Variants in POU6F2 observed in about 807,000 individuals in gnomAD.
POU6F2 encodes POU class 6 homeobox 2.
POU6F2 carries 31 observed loss-of-function variants against 71.3 expected under a neutral mutation model. The ratio of observed to expected loss-of-function variants is 0.43; its 90% CI spans 0.33 to 0.59. POU6F2 has a LOEUF of 0.59. POU6F2 is among the 20% of genes least tolerant of loss of function. POU6F2 has a pLI of 0.04. For missense variants in POU6F2, 783 were observed against 856.8 expected, an observed-to-expected ratio of 0.91 and a Z score of 1.07; for synonymous variants, 347 against 355.7, an observed-to-expected ratio of 0.98 and a Z score of 0.27.
chr7:38,995,320 CCTT>C (rs1217247384), intron 1 of POU6F2, among the ~76,000 whole-genome samples: 2 of 152,162 alleles, frequency 1.3e-5, no homozygotes, highest in Non-Finnish European at 2.9e-5. Context: ...TGAAACTTGT[CCTT>C]CTCACTGGCC....
chr7:39,090,124 G>A (rs750126548), intron 2 of POU6F2, among the ~76,000 whole-genome samples: 3 of 152,010 alleles, frequency 2.0e-5, no homozygotes, highest in Non-Finnish European at 4.4e-5. Context: ...TGCATGCAAT[G>A]ATACTTGTAA....
At chr7:39,432,542 G>A (rs1175573748) in intron 6 of POU6F2, among the ~76,000 whole-genome samples, 1 of 152,134 alleles carries the variant, frequency 6.6e-6, no homozygotes, top group African/African-American at 2.4e-5. Flanking sequence ...TGAACACCAG[G>A]GTGTGTGAGG....
intron 2 of POU6F2, among the ~76,000 whole-genome samples, chr7:39,188,188 A>C (rs1249785816): frequency 1.3e-5 from 2 of 152,212 alleles, no homozygotes; most frequent in African/African-American, 4.8e-5. Flanking sequence ...TATTACCTCC[A>C]TTTTAGAGTT....
At chr7:39,223,341 G>T (rs1794404511) in intron 4 of POU6F2, among the ~76,000 whole-genome samples, 1 of 152,028 alleles carries the variant, frequency 6.6e-6, no homozygotes, top group Admixed American at 6.6e-5. Flanking sequence ...ATTGCAGTTG[G>T]ATTTACACTT....
intron 5 of POU6F2, among the ~76,000 whole-genome samples, chr7:39,396,102 C>T (rs1293522507): frequency 6.6e-6 from 1 of 152,110 alleles, no homozygotes; most frequent in African/African-American, 2.4e-5. Flanking sequence ...AAATGGAAGA[C>T]TAGACAGAAA....
chr7:39,184,242 G>A (rs1793489728), intron 2 of POU6F2, among the ~76,000 whole-genome samples: 1 of 152,096 alleles, frequency 6.6e-6, no homozygotes, highest in African/African-American at 2.4e-5. Flanking sequence ...CTCTATTTTG[G>A]TTATCTTTCC....
chr7:39,052,304 G>A (rs1790414601), intron 1 of POU6F2, among the ~76,000 whole-genome samples: 1 of 152,142 alleles, frequency 6.6e-6, no homozygotes, highest in African/African-American at 2.4e-5. Context: ...TAAGGCCAGT[G>A]TATTAGTCCG....
intron 6 of POU6F2, among the ~76,000 whole-genome samples, chr7:39,426,551 CTCTT>C (rs1459573460): frequency 6.6e-6 from 1 of 152,136 alleles, no homozygotes; most frequent in African/African-American, 2.4e-5. Context: ...CTTTCTCACT[CTCTT>C]TGTGTCTCCC....
At chr7:39,123,423 CAT>C (rs1393656544) in intron 2 of POU6F2, among the ~76,000 whole-genome samples, 4 of 152,152 alleles carry the variant, frequency 2.6e-5, no homozygotes, top group African/African-American at 4.8e-5. Flanking sequence ...AGAAATAGAA[CAT>C]GTGTTTGATT....
At chr7:39,077,368 CTG>C (rs1791022707) in intron 1 of POU6F2, among the ~76,000 whole-genome samples, 3 of 152,230 alleles carry the variant, frequency 2.0e-5, no homozygotes, top group Non-Finnish European at 4.4e-5. Context: ...GTGTGTCCAA[CTG>C]TGTGCTAGAT....
intron 2 of POU6F2, among the ~76,000 whole-genome samples, chr7:39,148,835 G>A (rs1792677731): frequency 6.6e-6 from 1 of 152,178 alleles, no homozygotes; most frequent in African/African-American, 2.4e-5. Flanking sequence ...AATGGTTGTG[G>A]GAAACATTGA....
At position 39,406,691 on chromosome 7, in the gene POU6F2, C is replaced by T. The variant is rs1787440089; in HGVS notation, c.1064C>T (p.Ser355Phe). The T allele has an allele frequency of 1.9e-6, 3 of 1,613,786 alleles. No homozygotes were observed. Among genetic ancestry groups the T allele is most frequent in the Non-Finnish European group, 2.5e-6 (3 of 1,179,880 alleles). The change falls in exon 6 of 10, where the codon TCC becomes TTC. Residue 355 changes from serine to phenylalanine, a missense_variant. Around this residue, in one of 2 missense-constraint regions of POU6F2, gnomAD observed 572 missense variants for 572.9 expected, o/e 1.00. Transcript: ENST00000518318. Reference sequence around the variant, plus strand: ...TCACAGGCCTTTGGCAATGCCCTCTCCAGTCTTCAGGGGGTCACAGGTCAA... The same window carrying T: ...TCACAGGCCTTTGGCAATGCCCTCTTCAGTCTTCAGGGGGTCACAGGTCAA... ...ASSQAFGNAL[S>F]SLQGVTGQLV...
intron 8 of POU6F2, among the ~76,000 whole-genome samples, chr7:39,454,634 G>A (rs1788740076): frequency 1.0e-5 from 1 of 98,606 alleles, no homozygotes; most frequent in African/African-American, 3.7e-5. Flanking sequence ...TCTGTGCCAG[G>A]AACCAAGGAT....
intron 1 of POU6F2, among the ~76,000 whole-genome samples, chr7:38,989,421 C>T (rs950447198): frequency 4.0e-5 from 6 of 151,346 alleles, no homozygotes; most frequent in Non-Finnish European, 7.4e-5. Flanking sequence ...ATAGGGCAGC[C>T]ATAAAACAAA....
intron 8 of POU6F2, among the ~76,000 whole-genome samples, chr7:39,453,440 C>T (rs1207950800): frequency 6.6e-6 from 1 of 152,016 alleles, no homozygotes; most frequent in African/African-American, 2.4e-5. Context: ...AGCTTTGGTC[C>T]TGAAAGAAAA....
intron 2 of POU6F2, among the ~76,000 whole-genome samples, chr7:39,202,641 G>A (rs1793928277): frequency 6.6e-6 from 1 of 152,164 alleles, no homozygotes; most frequent in Admixed American, 6.5e-5. Context: ...CACTGCACAA[G>A]CCATCTCCCA....
Position 39,304,111 on chromosome 7 carries a change from T to C in POU6F2, c.599-35531T>C, listed in dbSNP as rs145381901. ...CATAAAGGAAAATTTTCAATGATTT[T>C]ATATGTAAAAATGTAAAAGAACTTT... On this transcript the variant is annotated intron_variant, in intron 4 of 9. Coordinates refer to ENST00000518318, the MANE Select transcript of POU6F2 (RefSeq NM_001370959.1). Among the ~76,000 whole-genome samples, 832 of 152,290 alleles carry C rather than the reference T, an allele frequency of 5.5e-3. 6 individuals carry two copies. Among genetic ancestry groups the C allele is most frequent in the Non-Finnish European group, 8.7e-3 (589 of 68,024 alleles).
intron 1 of POU6F2, among the ~76,000 whole-genome samples, chr7:38,980,824 C>T (rs1410924445): frequency 6.6e-6 from 1 of 151,926 alleles, no homozygotes; most frequent in African/African-American, 2.4e-5. Context: ...TAGGTTTTTT[C>T]ATTCACTCCT....
intron 5 of POU6F2, among the ~76,000 whole-genome samples, chr7:39,376,267 G>A (rs767940460): frequency 2.0e-4 from 31 of 152,176 alleles, no homozygotes; most frequent in Admixed American, 3.3e-4. Context: ...ATAGAATAGC[G>A]CTGTTGGATG....
Sources: allele counts gnomAD v4.1 joint callset (sites outside exome capture counted in the v4.1 genomes callset), GRCh38; gene constraint gnomAD v4.1.1; regional missense constraint gnomAD v4.1.1; transcripts MANE v1.5; gene names NCBI Gene and HGNC (gene_info 2026-07-23, HGNC 2026-07-21).